Variants in ETV6 observed in about 807,000 individuals in gnomAD.
ETV6 encodes the protein ETS variant transcription factor 6.
A neutral mutation model predicts 51.1 loss-of-function variants in ETV6; 16 were observed. The observed-to-expected ratio is 0.31, with a 90% CI of 0.21 to 0.48. The LOEUF (loss-of-function observed/expected upper bound fraction) is 0.48. Among genes scored for constraint, ETV6 ranks in the 20% least tolerant of loss-of-function variants. ETV6 has a pLI of 0.99. For missense variants in ETV6, 458 were observed against 594.8 expected, an observed-to-expected ratio of 0.77 and a Z score of 2.39; for synonymous variants, 240 against 224.1, an observed-to-expected ratio of 1.07 and a Z score of -0.64.
chr12:11,892,171 C>G lies in ETV6; in HGVS notation c.*1125C>G. On this transcript the variant is annotated 3_prime_UTR_variant, in exon 8 of 8. Coordinates refer to ENST00000396373, the MANE Select transcript of ETV6 (RefSeq NM_001987.5). ...AAGAAAAGCTCCTCTCTGCTCCATTCCAAAGGCCATCTTGTGGTCAGTTTC... is the reference window on the plus strand; with the variant it reads ...AAGAAAAGCTCCTCTCTGCTCCATTGCAAAGGCCATCTTGTGGTCAGTTTC... 4.3e-6 allele frequency: 1 copy of G among 230,838 alleles called. No homozygotes were observed. The highest frequency in any genetic ancestry group is 2.3e-5 in the African/African-American group (1 of 44,190). The allele number at this position is 230,838 out of a possible 1,614,324, so 14.3% of individuals were successfully genotyped here. A position where few individuals can be genotyped will look rare whatever the true frequency, so the allele number is the denominator to read the frequency against.
At position 11,895,286 on chromosome 12, in the gene ETV6, AAAG is replaced by A. The variant is rs2136630075; in HGVS notation, c.*4243_*4245del. 4.5e-6 allele frequency: 1 copy of A among 221,430 alleles called. No homozygotes were observed. The highest frequency in any genetic ancestry group is 2.2e-5 in the African/African-American group (1 of 44,464). The allele number at this position is 221,430 out of a possible 1,614,324, so 13.7% of individuals were successfully genotyped here. On this transcript the variant is annotated 3_prime_UTR_variant, in exon 8 of 8. Transcript: ENST00000396373. ...GACTGAATCAAATGAATGTAACAAA[AAAG>A]AAAAAAAAAACAAAAAAAAATGCCT...
intron 2 of ETV6, among the ~76,000 whole-genome samples, chr12:11,808,495 A>G (rs1355812912): frequency 6.6e-6 from 1 of 152,192 alleles, no homozygotes; most frequent in Non-Finnish European, 1.5e-5. Context: ...GACTTTCAGA[A>G]TAGCATATAA....
Position 11,891,981 on chromosome 12 carries a change from C to CAAGT in ETV6, c.*936_*939dup. ...CGTAAGATAAGGATGGAAGGCTGTC[C>CAAGT]AAGTTATTTGGAAGGCCTCGGCAGC... On this transcript the variant is annotated 3_prime_UTR_variant, in exon 8 of 8. Coordinates refer to ENST00000396373, the MANE Select transcript of ETV6 (RefSeq NM_001987.5). 8.5e-6 allele frequency: 2 copies of CAAGT among 234,686 alleles called. No homozygotes were observed. Among genetic ancestry groups the CAAGT allele is most frequent in the Non-Finnish European group, 1.7e-5 (2 of 118,972 alleles). The allele number at this position is 234,686 out of a possible 1,614,324, so 14.5% of individuals were successfully genotyped here.
intron 1 of ETV6, among the ~76,000 whole-genome samples, chr12:11,681,169 C>A (rs998144190): frequency 2.0e-5 from 3 of 152,172 alleles, no homozygotes; most frequent in Admixed American, 2.0e-4. Flanking sequence ...AGCTGTAAGC[C>A]GTCTGCATCC....
At chr12:11,716,131 C>T (rs1397565981) in intron 1 of ETV6, among the ~76,000 whole-genome samples, 4 of 151,828 alleles carry the variant, frequency 2.6e-5, no homozygotes, top group South Asian at 2.1e-4. Context: ...GAGGCCGAGG[C>T]GGGTGGATCA....
intron 2 of ETV6, among the ~76,000 whole-genome samples, chr12:11,802,303 C>T (rs1387186711): frequency 6.6e-6 from 1 of 152,142 alleles, no homozygotes; most frequent in African/African-American, 2.4e-5. Flanking sequence ...TGATCTTATT[C>T]TAGAAGACCA....
chr12:11,754,238 G>C lies in ETV6; in HGVS notation c.163+1659G>C, dbSNP rs377548897. Among the ~76,000 whole-genome samples the C allele has an allele frequency of 7.9e-5, 12 of 152,230 alleles. No individual in the cohort carries two copies. In the East Asian group the frequency reaches 1.3e-3, roughly 17 times the overall value. ...CCTCTGCTGTGCCCGGCACTCTTCT[G>C]TGTCCTGGGGGTGCAGAAATGAACA... On this transcript the variant is annotated intron_variant, in intron 2 of 7. Transcript: ENST00000396373.
At chr12:11,828,210 C>CT (rs1946188022) in intron 2 of ETV6, among the ~76,000 whole-genome samples, 1 of 152,164 alleles carries the variant, frequency 6.6e-6, no homozygotes, top group African/African-American at 2.4e-5. Context: ...TATAGTATCT[C>CT]TCCTTGCATA....
chr12:11,679,849 C>G (rs1864493576), intron 1 of ETV6, among the ~76,000 whole-genome samples: 1 of 152,194 alleles, frequency 6.6e-6, no homozygotes, highest in Non-Finnish European at 1.5e-5. Flanking sequence ...CTGTAGGCAT[C>G]CATCAGTATT....
chr12:11,802,511 T>C (rs1945765482), intron 2 of ETV6, among the ~76,000 whole-genome samples: 1 of 152,244 alleles, frequency 6.6e-6, no homozygotes, highest in Non-Finnish European at 1.5e-5. Flanking sequence ...ACATTTATTT[T>C]CAGCTCTCAC....
chr12:11,708,615 G>T (rs573245818), intron 1 of ETV6, among the ~76,000 whole-genome samples: 1 of 152,278 alleles, frequency 6.6e-6, no homozygotes, highest in South Asian at 2.1e-4. Context: ...GTATCATGGG[G>T]GATGGACATT....
chr12:11,650,012 T>A lies in ETV6; in HGVS notation c.-116T>A, dbSNP rs549871728. The stretch of plus-strand genomic sequence containing the variant: ...CCGGGGCGGCTGCCGGGAGAGATGC[T>A]GGAAGAAACTTCTTAAATGACCGCG... On this transcript the variant is annotated 5_prime_UTR_variant, in exon 1 of 8. Coordinates refer to ENST00000396373, the MANE Select transcript of ETV6 (RefSeq NM_001987.5). The A allele has an allele frequency of 3.0e-6, 3 of 986,054 alleles. No homozygotes were observed. Among genetic ancestry groups the A allele is most frequent in the Admixed American group, 3.5e-5 (2 of 57,166 alleles). 61.1% of individuals were successfully genotyped at this position (986,054 alleles called of 1,614,324 possible).
intron 2 of ETV6, among the ~76,000 whole-genome samples, chr12:11,768,502 C>G (rs953070770): frequency 6.6e-6 from 1 of 152,178 alleles, no homozygotes; most frequent in African/African-American, 2.4e-5. Context: ...TCATGTCTGC[C>G]TGCTCCAAAG....
chr12:11,845,125 G>A (rs79638491), intron 3 of ETV6, among the ~76,000 whole-genome samples: 3,898 of 152,198 alleles, frequency 0.026, 113 homozygotes, highest in African/African-American at 0.068. Context: ...TACTGCACCC[G>A]GCCATCATTT....
chr12:11,882,116 A>C (rs1057154423), intron 5 of ETV6, among the ~76,000 whole-genome samples: 5 of 152,224 alleles, frequency 3.3e-5, no homozygotes, highest in African/African-American at 1.2e-4. Context: ...TGAGTGACAC[A>C]CCACATTAAT....
In ETV6 at chr12:11,874,855, A is replaced by G. The variant is rs191614664; in HGVS notation, c.1009+4886A>G. Among the ~76,000 whole-genome samples, 1,007 of 144,126 alleles carry G rather than the reference A, an allele frequency of 7.0e-3. 15 individuals are homozygous for G. Among genetic ancestry groups the G allele is most frequent in the African/African-American group, 0.025 (964 of 39,004 alleles). The allele number at this position is 144,126 out of a possible 152,430, so 94.6% of individuals were successfully genotyped here. A position where few individuals can be genotyped will look rare whatever the true frequency, so the allele number is the denominator to read the frequency against. ...GGTGGGAATTGAACAATGAGAACAC[A>G]TGGACACAGGAAGGGGAACATCACA... On this transcript the variant is annotated intron_variant, in intron 5 of 7. Coordinates refer to ENST00000396373, the MANE Select transcript of ETV6 (RefSeq NM_001987.5).
chr12:11,707,677 G>A (rs1405355157), intron 1 of ETV6, among the ~76,000 whole-genome samples: 1 of 152,186 alleles, frequency 6.6e-6, no homozygotes, highest in Non-Finnish European at 1.5e-5. Flanking sequence ...TTCTAATCGG[G>A]ACCTTTCTTT....
chr12:11,851,411 G>C (rs1232766282), intron 3 of ETV6, among the ~76,000 whole-genome samples: 1 of 152,120 alleles, frequency 6.6e-6, no homozygotes, highest in Non-Finnish European at 1.5e-5. Context: ...TTGATTAGGG[G>C]CTTATTTTTG....
intron 4 of ETV6, among the ~76,000 whole-genome samples, chr12:11,868,935 T>C (rs1344596115): frequency 6.6e-6 from 1 of 151,916 alleles, no homozygotes; most frequent in Non-Finnish European, 1.5e-5. Flanking sequence ...AGAAAAATAG[T>C]TTCAATATGC....
Sources: allele counts gnomAD v4.1 joint callset (sites outside exome capture counted in the v4.1 genomes callset), GRCh38; gene constraint gnomAD v4.1.1; transcripts MANE v1.5; gene names NCBI Gene and HGNC (gene_info 2026-07-23, HGNC 2026-07-21).